BACH2: variants seen among roughly 807,000 people sequenced by gnomAD.
BACH2 encodes transcription regulator protein BACH2.
Under a neutral mutation model 61.8 loss-of-function variants are expected in BACH2, and 5 were observed. The observed-to-expected ratio is 0.08, with a 90% CI of 0.04 to 0.17. The LOEUF (loss-of-function observed/expected upper bound fraction) is 0.17, where lower values mean the gene tolerates loss of function less well. BACH2 is among the 10% of genes least tolerant of loss of function. BACH2 has a pLI of 1.00. For missense variants in BACH2, 824 were observed against 1,091.1 expected (o/e 0.76, Z 3.45); for synonymous variants, 446 against 440.1 (o/e 1.01, Z -0.17).
At chr6:90,035,109 G>A (rs1399887958) in intron 5 of BACH2, among the ~76,000 whole-genome samples, 1 of 152,086 alleles carries the variant, frequency 6.6e-6, no homozygotes, top group African/African-American at 2.4e-5. Flanking sequence ...CACACATAAT[G>A]TAAATCTCTG....
At chr6:89,957,113 C>T (rs999416172) in intron 6 of BACH2, among the ~76,000 whole-genome samples, 1 of 152,172 alleles carries the variant, frequency 6.6e-6, no homozygotes, top group African/African-American at 2.4e-5. Context: ...ACTGACAACC[C>T]CTCTGGGTTG....
chr6:90,089,946 G>A (rs1782094245), intron 4 of BACH2, among the ~76,000 whole-genome samples: 1 of 152,002 alleles, frequency 6.6e-6, no homozygotes, highest in Non-Finnish European at 1.5e-5. Flanking sequence ...ATTTGTTCAG[G>A]CCAGGTTTTC....
intron 3 of BACH2, among the ~76,000 whole-genome samples, chr6:90,237,018 G>A (rs898435590): frequency 1.3e-5 from 2 of 152,072 alleles, no homozygotes; most frequent in Non-Finnish European, 1.5e-5. Flanking sequence ...CCACCTCCCA[G>A]GTTCAAGCGA....
At chr6:90,212,962 T>A (rs1769407801) in intron 3 of BACH2, among the ~76,000 whole-genome samples, 1 of 152,172 alleles carries the variant, frequency 6.6e-6, no homozygotes, top group African/African-American at 2.4e-5. Context: ...GGATATCTAA[T>A]CTTTAGATTC....
intron 4 of BACH2, among the ~76,000 whole-genome samples, chr6:90,140,807 T>C (rs925981960): frequency 6.6e-6 from 1 of 152,228 alleles, no homozygotes. Flanking sequence ...TTCCCTAAGA[T>C]ACAATGAAAG....
At chr6:90,131,386 T>C (rs1049016758) in intron 4 of BACH2, among the ~76,000 whole-genome samples, 3 of 152,244 alleles carry the variant, frequency 2.0e-5, no homozygotes, top group African/African-American at 7.2e-5. Context: ...GTCACCTTTG[T>C]GTAGTTGACT....
chr6:90,120,333 G>C (rs1284423408), intron 4 of BACH2, among the ~76,000 whole-genome samples: 1 of 152,092 alleles, frequency 6.6e-6, no homozygotes, highest in Non-Finnish European at 1.5e-5. Flanking sequence ...CTCTATTTCA[G>C]CAGGTACCAA....
At chr6:90,126,731 G>T (rs1488907636) in intron 4 of BACH2, among the ~76,000 whole-genome samples, 2 of 152,136 alleles carry the variant, frequency 1.3e-5, no homozygotes, top group Non-Finnish European at 2.9e-5. Context: ...AAATTTAAGG[G>T]CAAAAGTGAT....
chr6:90,269,864 T>A (rs965798225), intron 2 of BACH2, among the ~76,000 whole-genome samples: 1 of 152,222 alleles, frequency 6.6e-6, no homozygotes, highest in Non-Finnish European at 1.5e-5. Flanking sequence ...ATTTAATTTT[T>A]ATTTTATTTC....
At chr6:90,176,747 T>C (rs939770226) in intron 4 of BACH2, among the ~76,000 whole-genome samples, 1 of 152,162 alleles carries the variant, frequency 6.6e-6, no homozygotes, top group Admixed American at 6.5e-5. Flanking sequence ...CCAGATGCAA[T>C]GCCCTCATTA....
At chr6:90,080,276 A>T (rs760348134) in intron 5 of BACH2, among the ~76,000 whole-genome samples, 2 of 152,166 alleles carry the variant, frequency 1.3e-5, no homozygotes, top group Non-Finnish European at 2.9e-5. Context: ...CACTTGACTT[A>T]TATCTGCTTT....
At chr6:90,191,271 G>A (rs1768560833) in intron 4 of BACH2, among the ~76,000 whole-genome samples, 1 of 152,140 alleles carries the variant, frequency 6.6e-6, no homozygotes, top group Admixed American at 6.5e-5. Flanking sequence ...GTCACATAAT[G>A]GATATTTAAG....
At chr6:90,016,512 A>G (rs140446964) in intron 5 of BACH2, among the ~76,000 whole-genome samples, 1 of 152,182 alleles carries the variant, frequency 6.6e-6, no homozygotes, top group African/African-American at 2.4e-5. Flanking sequence ...AGTTATCACA[A>G]TCTACCTTCC....
chr6:90,100,728 G>T (rs56233032), intron 4 of BACH2, among the ~76,000 whole-genome samples: 1 of 142,268 alleles, frequency 7.0e-6, no homozygotes, highest in South Asian at 2.3e-4. Context: ...CACACACACA[G>T]ACACACACAC....
chr6:90,109,516 G>T (rs554224139), intron 4 of BACH2, among the ~76,000 whole-genome samples: 1 of 152,220 alleles, frequency 6.6e-6, no homozygotes, highest in African/African-American at 2.4e-5. Context: ...TCACCTATAT[G>T]CTGAAGTCTC....
At chr6:90,052,667 T>C (rs113490543) in intron 5 of BACH2, among the ~76,000 whole-genome samples, 2,776 of 152,310 alleles carry the variant, frequency 0.018, 73 homozygotes, top group African/African-American at 0.063. Flanking sequence ...GTGATCTGCC[T>C]GCCTCAGTCT....
At chr6:90,265,563 T>C (rs924790937) in intron 2 of BACH2, among the ~76,000 whole-genome samples, 4 of 152,322 alleles carry the variant, frequency 2.6e-5, no homozygotes, top group Non-Finnish European at 4.4e-5. Flanking sequence ...GATGTGTCTA[T>C]GGTAATAAAC....
Position 90,247,641 on chromosome 6 carries a change from T to C in BACH2, c.-275+4872A>G, listed in dbSNP as rs1770681208. 2.0e-5 allele frequency among the ~76,000 whole-genome samples: 3 copies of C among 152,318 alleles called. No individual in the cohort carries two copies. In the South Asian group the frequency reaches 6.2e-4, roughly 32 times the overall value. On this transcript the variant is annotated intron_variant, in intron 3 of 8. Coordinates refer to ENST00000257749, the MANE Select transcript of BACH2 (RefSeq NM_021813.4). ...AACTTAGAGGAATTCTTCACTCCCC[T>C]AAAGTATAGCCTCTACCTACTTTTT...
At chr6:89,941,556 G>A (rs146198761) in intron 7 of BACH2, among the ~76,000 whole-genome samples, 2 of 152,296 alleles carry the variant, frequency 1.3e-5, no homozygotes, top group African/African-American at 2.4e-5. Flanking sequence ...CTTTGTGCAC[G>A]GGGCTGTGTT....
Sources: allele counts gnomAD v4.1 joint callset (sites outside exome capture counted in the v4.1 genomes callset), GRCh38; gene constraint gnomAD v4.1.1; transcripts MANE v1.5; gene names NCBI Gene and HGNC (gene_info 2026-07-23, HGNC 2026-07-21).